The following SMG6 variants were observed in gnomAD, a reference collection of about 807,000 sequenced individuals.
SMG6 encodes the protein SMG6 nonsense mediated mRNA decay factor.
A neutral mutation model predicts 142.2 loss-of-function variants in SMG6; 66 were observed. The ratio of observed to expected loss-of-function variants is 0.46; its 90% confidence interval spans 0.38 to 0.57. The LOEUF (loss-of-function observed/expected upper bound fraction) is 0.57, where lower values mean the gene tolerates loss of function less well. Among genes scored for constraint, SMG6 ranks in the 20% least tolerant of loss-of-function variants. The pLI, the probability that SMG6 is intolerant of heterozygous loss-of-function variation, is 0.00. For synonymous variants in SMG6, 779 were observed against 702.4 expected (o/e 1.11, Z -1.72); for missense variants, 1,793 against 1,832.0 (o/e 0.98, Z 0.39).
At chr17:2,258,056 C>T (rs200083418) in intron 8 of SMG6, among the ~76,000 whole-genome samples, 32,676 of 96,610 alleles carry the variant, frequency 0.34, 6,142 homozygotes, top group East Asian at 0.64. Context: ...CACACACACA[C>T]ACACACACAC....
At chr17:2,088,781 A>G (rs2068635302) in intron 13 of SMG6, 1 of 985,430 alleles carries the variant, frequency 1.0e-6, no homozygotes, top group South Asian at 4.7e-5. Context: ...CCAGAGGCAC[A>G]GAGAAACCTT....
Position 2,169,743 on chromosome 17 carries a change from G to A in SMG6, c.3357+2915C>T, listed in dbSNP as rs534861644. Among the ~76,000 whole-genome samples, 6 of 152,282 alleles carry A rather than the reference G, an allele frequency of 3.9e-5. No individual in the cohort carries two copies. The South Asian group carries it at 8.3e-4, about 21-fold the overall frequency. On this transcript the variant is annotated intron_variant, in intron 13 of 18. Coordinates refer to ENST00000263073, the MANE Select transcript of SMG6 (RefSeq NM_017575.5). ...GTGGGGTCACATAATGGAGGGCATC[G>A]TAGGCCACTGTGAAAACTTTGGCCT...
chr17:2,177,187 T>G (rs148517326), intron 12 of SMG6, among the ~76,000 whole-genome samples: 34 of 152,322 alleles, frequency 2.2e-4, no homozygotes, highest in Admixed American at 1.3e-3. Context: ...CATGGGTTTC[T>G]GTGTTCCTAA....
chr17:2,192,764 T>C (rs2072205084), intron 10 of SMG6, among the ~76,000 whole-genome samples: 1 of 152,064 alleles, frequency 6.6e-6, no homozygotes, highest in African/African-American at 2.4e-5. Context: ...AAGTGGGCAG[T>C]GAGAGTATCT....
chr17:2,214,680 A>G (rs988117787), intron 10 of SMG6, among the ~76,000 whole-genome samples: 1 of 152,250 alleles, frequency 6.6e-6, no homozygotes, highest in Non-Finnish European at 1.5e-5. Context: ...TGTGACTGTC[A>G]TTCTTAATTG....
chr17:2,094,160 T>C (rs546501421), intron 13 of SMG6, among the ~76,000 whole-genome samples: 26 of 152,186 alleles, frequency 1.7e-4, no homozygotes, highest in Non-Finnish European at 3.2e-4. Context: ...GTCCATGAGG[T>C]CCCTTCACAG....
chr17:2,079,266 A>G (rs1235153887), intron 15 of SMG6, among the ~76,000 whole-genome samples: 1 of 152,208 alleles, frequency 6.6e-6, no homozygotes, highest in Admixed American at 6.5e-5. Context: ...GCCTGGCCAT[A>G]TTGGTGACTT....
At chr17:2,261,214 T>A (rs575128102) in intron 8 of SMG6, among the ~76,000 whole-genome samples, 2 of 151,550 alleles carry the variant, frequency 1.3e-5, no homozygotes, top group African/African-American at 4.8e-5. Flanking sequence ...CTCAGGAGGC[T>A]GAGGCAGGAG....
chr17:2,191,480 T>A (rs2072161428), intron 10 of SMG6, among the ~76,000 whole-genome samples: 1 of 152,242 alleles, frequency 6.6e-6, no homozygotes, highest in African/African-American at 2.4e-5. Flanking sequence ...GGTATTCGCC[T>A]GGGTTCCTCT....
chr17:2,237,715 G>T, intron 9 of SMG6: 1 of 212,108 alleles, frequency 4.7e-6, no homozygotes, highest in Non-Finnish European at 8.1e-6. Context: ...ATCACTCCTT[G>T]CCAAATGTGG....
chr17:2,101,668 A>T (rs2069010920), intron 13 of SMG6: 1 of 152,226 alleles, frequency 6.6e-6, no homozygotes, highest in Admixed American at 6.5e-5. Flanking sequence ...CTTCGCAGCC[A>T]CAGCGAACAC....
chr17:2,204,509 T>A (rs947154009), intron 10 of SMG6, among the ~76,000 whole-genome samples: 6 of 152,096 alleles, frequency 3.9e-5, no homozygotes, highest in African/African-American at 1.4e-4. Flanking sequence ...CTGTGGTGCA[T>A]CTAGTTTTAA....
chr17:2,285,527 G>C (rs1003428637), intron 6 of SMG6, among the ~76,000 whole-genome samples: 1 of 151,830 alleles, frequency 6.6e-6, no homozygotes, highest in Admixed American at 6.6e-5. Context: ...TGAGCAATCT[G>C]AAAAAAAAGA....
chr17:2,104,430 T>C (rs1470760515), intron 13 of SMG6, among the ~76,000 whole-genome samples: 2 of 152,114 alleles, frequency 1.3e-5, no homozygotes, highest in African/African-American at 2.4e-5. Context: ...TGGGTATTTA[T>C]TGTGAAAAGA....
At chr17:2,303,093 A>T in intron 1 of SMG6, 1 of 985,474 alleles carries the variant, frequency 1.0e-6, no homozygotes, top group South Asian at 4.7e-5. Context: ...CACACATGCC[A>T]GGGCCAAACC....
chr17:2,089,892 G>T (rs1440420045), intron 13 of SMG6: 1 of 152,096 alleles, frequency 6.6e-6, no homozygotes, highest in Non-Finnish European at 1.5e-5. Flanking sequence ...AAAGAAAAAT[G>T]GTGTTTCTTG....
intron 8 of SMG6, among the ~76,000 whole-genome samples, chr17:2,257,358 G>A (rs912730742): frequency 2.6e-5 from 4 of 152,172 alleles, no homozygotes; most frequent in South Asian, 2.1e-4. Context: ...GATTACAGGC[G>A]TGAGCCACTG....
chr17:2,073,420 C>T (rs775186961), intron 15 of SMG6, among the ~76,000 whole-genome samples: 7 of 151,816 alleles, frequency 4.6e-5, no homozygotes, highest in Non-Finnish European at 8.8e-5. Flanking sequence ...TAAAGAGACA[C>T]GAGTCTCAGA....
intron 13 of SMG6, among the ~76,000 whole-genome samples, chr17:2,112,755 CTT>C (rs1189843396): frequency 7.7e-5 from 10 of 130,182 alleles, no homozygotes; most frequent in Non-Finnish European, 9.9e-5. Context: ...GAGCTCCAAA[CTT>C]TTTTTTTTTT....
Sources: gnomAD v4.1 joint callset for allele counts (sites outside exome capture counted in the v4.1 genomes callset) on GRCh38, gnomAD v4.1.1 for gene constraint, MANE v1.5 for transcripts, NCBI Gene and HGNC (gene_info 2026-07-23, HGNC 2026-07-21) for gene names.